The following FANCB variants were observed in gnomAD, a reference collection of about 807,000 sequenced individuals.
FANCB encodes the protein Fanconi anemia group B protein.
Under a neutral mutation model 38.9 loss-of-function variants are expected in FANCB, and 5 were observed. The ratio of observed to expected loss-of-function variants is 0.13; its 90% CI spans 0.07 to 0.27. The LOEUF is 0.27. Ranked by LOEUF, FANCB falls within the 10% of genes least tolerant of loss-of-function variation. FANCB has a pLI of 1.00. For missense variants in FANCB, 573 were observed against 602.7 expected (o/e 0.95, Z 0.52); for synonymous variants, 236 against 215.4 (o/e 1.10, Z -0.84).
At chrX:14,830,291 G>T in the FANCB span, among the ~76,000 whole-genome samples, 1 of 111,554 alleles carries the variant, frequency 9.0e-6, no homozygotes, top group East Asian at 2.8e-4. Context: ...AATATTGCAG[G>T]AATTACCAAA....
the FANCB span, among the ~76,000 whole-genome samples, chrX:14,700,388 G>C: frequency 9.0e-6 from 1 of 110,952 alleles, no homozygotes; most frequent in Non-Finnish European, 1.9e-5. Flanking sequence ...AGGCAAGGCA[G>C]AGGGCTGAGG....
chrX:14,756,808 C>T, the FANCB span, among the ~76,000 whole-genome samples: 2 of 111,801 alleles, frequency 1.8e-5, no homozygotes, highest in South Asian at 7.5e-4. Context: ...GTCATAATGA[C>T]GGTCTCAAGC....
At chrX:14,749,177 A>G in the FANCB span, among the ~76,000 whole-genome samples, 27 of 112,031 alleles carry the variant, frequency 2.4e-4, no homozygotes, top group African/African-American at 8.7e-4. Flanking sequence ...GGAGCAGGGT[A>G]AGGAGGACAA....
chrX:14,830,357 A>T, the FANCB span, among the ~76,000 whole-genome samples: 96 of 111,423 alleles, frequency 8.6e-4, no homozygotes, highest in African/African-American at 3.0e-3. Flanking sequence ...GTGCTGGTAG[A>T]CTTGTCTGAT....
At chrX:14,730,202 G>A in the FANCB span, 42 of 1,189,623 alleles carry the variant, frequency 3.5e-5, no homozygotes, top group African/African-American at 2.3e-4. Flanking sequence ...TCTTTATTCC[G>A]TCAGGAAGAA....
intron 6 of FANCB, 147 bp downstream of exon 6, chrX:14,852,892 C>A: frequency 2.4e-6 from 1 of 410,852 alleles, no homozygotes. Context: ...TCATAAAAGT[C>A]CACCATTATA....
At chrX:14,831,969 T>C (rs17301143), downstream of FANCB, among the ~76,000 whole-genome samples, 248 of 111,929 alleles carry the variant, frequency 2.2e-3, no homozygotes, top group Middle Eastern at 4.7e-3. Context: ...CTAACAATCA[T>C]GTTTACAGTC....
chrX:14,818,811 C>T, the FANCB span, among the ~76,000 whole-genome samples: 4 of 111,898 alleles, frequency 3.6e-5, no homozygotes, highest in African/African-American at 6.5e-5. Context: ...TTTACTCGTA[C>T]GAAGTCTTTG....
chrX:14,689,616 T>C, the FANCB span, among the ~76,000 whole-genome samples: 15 of 111,860 alleles, frequency 1.3e-4, no homozygotes, highest in East Asian at 8.4e-4. Context: ...CATCAGAAAA[T>C]TGGGATGAGT....
chrX:14,705,717 A>C, the FANCB span, among the ~76,000 whole-genome samples: 5 of 112,324 alleles, frequency 4.5e-5, no homozygotes, highest in African/African-American at 1.6e-4. Context: ...CTCTACATAA[A>C]GTTCTTTTTA....
intron 4 of FANCB, among the ~76,000 whole-genome samples, chrX:14,858,393 T>C (rs768217684): frequency 4.5e-4 from 48 of 107,204 alleles, no homozygotes; most frequent in Admixed American, 1.2e-3. Flanking sequence ...CAAGACTCTG[T>C]CTCCAAAAAA....
At chrX:14,834,958 C>T, downstream of FANCB, 1 of 809,749 alleles carries the variant, frequency 1.2e-6, no homozygotes, top group South Asian at 2.0e-5. Flanking sequence ...GACTCTGCAT[C>T]TTCCTCCACA....
chrX:14,712,713 C>T, the FANCB span, among the ~76,000 whole-genome samples: 2 of 110,018 alleles, frequency 1.8e-5, no homozygotes, highest in African/African-American at 6.6e-5. Flanking sequence ...AGGCAATAGT[C>T]AAAGGATGGG....
the FANCB span, among the ~76,000 whole-genome samples, chrX:14,756,538 G>A: frequency 9.0e-6 from 1 of 111,507 alleles, no homozygotes; most frequent in Non-Finnish European, 1.9e-5. Context: ...ATACATGTTG[G>A]AGGCCGCACA....
chrX:14,745,044 G>T, the FANCB span, among the ~76,000 whole-genome samples: 1 of 111,731 alleles, frequency 9.0e-6, no homozygotes, highest in Non-Finnish European at 1.9e-5. Context: ...CCTGTGGTGT[G>T]GCTGCACGAA....
At chrX:14,767,594 A>G in the FANCB span, among the ~76,000 whole-genome samples, 1 of 111,161 alleles carries the variant, frequency 9.0e-6, no homozygotes, top group Non-Finnish European at 1.9e-5. Flanking sequence ...GACCTTTGTC[A>G]GATGGAGAGA....
Position 14,859,186 on chromosome X carries a change from T to C in FANCB, c.1100A>G (p.Tyr367Cys). ...FKITDLGKIN[Y>C]SSEPSDCNED... ...TAATAAGTAAATAGAACTTACCGAA[T>C]AGTTTATTTTTCCAAGATCCGTTAT... The change falls in exon 4 of 10, where the codon TAT becomes TGT. Residue 367 changes from tyrosine to cysteine, a missense_variant. Physicochemically the swap from Tyr to Cys is radical, Grantham distance 194. Coordinates refer to ENST00000650831, the MANE Select transcript of FANCB (RefSeq NM_001018113.3). 1 of 1,176,054 alleles carries C rather than the reference T, an allele frequency of 8.5e-7. No individual in the cohort carries two copies. The highest frequency in any genetic ancestry group is 1.2e-6 in the Non-Finnish European group (1 of 864,987).
chrX:14,778,989 C>T, the FANCB span, among the ~76,000 whole-genome samples: 1 of 112,125 alleles, frequency 8.9e-6, no homozygotes, highest in African/African-American at 3.2e-5. Context: ...GGGCAAAGCA[C>T]ATGATGCCTG....
chrX:14,760,868 G>A, the FANCB span, among the ~76,000 whole-genome samples: 1 of 111,088 alleles, frequency 9.0e-6, no homozygotes, highest in African/African-American at 3.3e-5. Context: ...CTACTCAGGA[G>A]GCTGAGGCAG....
Sources: allele counts gnomAD v4.1 joint callset (sites outside exome capture counted in the v4.1 genomes callset), GRCh38; gene constraint gnomAD v4.1.1; transcripts MANE v1.5; gene names NCBI Gene and HGNC (gene_info 2026-07-23, HGNC 2026-07-21).